KIAA0930: variants seen among roughly 807,000 people sequenced by gnomAD.
KIAA0930 encodes the protein uncharacterized protein KIAA0930.
A neutral mutation model predicts 43.9 loss-of-function variants in KIAA0930; 24 were observed. That is an observed-to-expected ratio of 0.55 (90% CI 0.40 to 0.77). The LOEUF is 0.77. KIAA0930 is among the 30% of genes least tolerant of loss of function. The pLI, the probability that KIAA0930 is intolerant of heterozygous loss-of-function variation, is 0.00. For synonymous variants in KIAA0930, 259 were observed against 216.4 expected, an observed-to-expected ratio of 1.20 and a Z score of -1.73; for missense variants, 461 against 574.2, an observed-to-expected ratio of 0.80 and a Z score of 2.02.
In KIAA0930 at chr22:45,193,860, G is replaced by A. The variant is rs1461346651; in HGVS notation, c.*3316C>T. On this transcript the variant is annotated 3_prime_UTR_variant, in exon 10 of 10. Coordinates refer to ENST00000336156, the MANE Select transcript of KIAA0930 (RefSeq NM_001009880.2). ...GCCAAAAGAAGAAAGGGTATAAACG[G>A]AGACCACCTATCACTCATCAGAACC... 2 of 151,988 alleles carry A rather than the reference G, an allele frequency of 1.3e-5. No individual in the cohort carries two copies. The highest frequency in any genetic ancestry group is 4.8e-5 in the African/African-American group (2 of 41,366). 9.4% of individuals were successfully genotyped at this position (151,988 alleles called of 1,614,324 possible).
At chr22:45,226,286 A>G (rs1439008733) in intron 1 of KIAA0930, 1 of 471,106 alleles carries the variant, frequency 2.1e-6, no homozygotes, top group African/African-American at 2.0e-5. Flanking sequence ...CAGTTAAGGA[A>G]ACCGAGACCT....
Position 45,217,889 on chromosome 22 carries a change from C to T in KIAA0930, c.65-5782G>A, listed in dbSNP as rs1179057220. Among the ~76,000 whole-genome samples, 9 of 152,332 alleles carry T rather than the reference C, an allele frequency of 5.9e-5. 2 individuals are homozygous for T. The East Asian group carries it at 1.5e-3, about 26-fold the overall frequency. On this transcript the variant is annotated intron_variant, in intron 1 of 9. Coordinates refer to ENST00000336156, the MANE Select transcript of KIAA0930 (RefSeq NM_001009880.2). Reference sequence around the variant, plus strand: ...GTGACCTGCTTCTGTAAGTCACTCTCTTCGAACTCCAGAACTGGAAGAGCC... The same window carrying T: ...GTGACCTGCTTCTGTAAGTCACTCTTTTCGAACTCCAGAACTGGAAGAGCC...
chr22:45,228,888 C>T (rs117577700), intron 1 of KIAA0930, among the ~76,000 whole-genome samples: 116 of 7,932 alleles, frequency 0.015, 10 homozygotes, highest in Non-Finnish European at 0.018. Flanking sequence ...AAGATCCCTC[C>T]CCATCCCCCC....
At position 45,193,795 on chromosome 22, in the gene KIAA0930, A is replaced by G. The variant is rs1224613218; in HGVS notation, c.*3381T>C. Reference sequence around the variant, plus strand: ...CAGGCAACTAGGCACTTCCAGCAGGACATGAGAATGTAAGATGGCCACTAC... The same window carrying G: ...CAGGCAACTAGGCACTTCCAGCAGGGCATGAGAATGTAAGATGGCCACTAC... On this transcript the variant is annotated 3_prime_UTR_variant, in exon 10 of 10. Coordinates refer to ENST00000336156, the MANE Select transcript of KIAA0930 (RefSeq NM_001009880.2). 1 of 152,222 alleles carries G rather than the reference A, an allele frequency of 6.6e-6. No homozygotes were observed. Among genetic ancestry groups the G allele is most frequent in the Non-Finnish European group, 1.5e-5 (1 of 68,040 alleles). The allele number at this position is 152,222 out of a possible 1,614,324, so 9.4% of individuals were successfully genotyped here.
intron 8 of KIAA0930, 106 bp downstream of exon 8, chr22:45,199,767 C>T: frequency 8.4e-7 from 1 of 1,193,860 alleles, no homozygotes; most frequent in Non-Finnish European, 1.1e-6. Context: ...TCTCTAAGTG[C>T]TGCTGAATGA....
chr22:45,220,405 G>A (rs921017598), intron 1 of KIAA0930, among the ~76,000 whole-genome samples: 10 of 151,702 alleles, frequency 6.6e-5, no homozygotes, highest in African/African-American at 2.2e-4. Context: ...CAGTGATCGA[G>A]ATCGGGCCAC....
chr22:45,199,552 C>T (rs897119520), intron 8 of KIAA0930, among the ~76,000 whole-genome samples: 7 of 152,326 alleles, frequency 4.6e-5, no homozygotes, highest in African/African-American at 9.6e-5. Context: ...ATCACCCATC[C>T]GCTTTCTTCC....
intron 1 of KIAA0930, among the ~76,000 whole-genome samples, chr22:45,217,360 CAAAAAAAAAAAAAA>C (rs58492110): frequency 4.4e-5 from 3 of 68,698 alleles, no homozygotes; most frequent in East Asian, 4.7e-4. Flanking sequence ...GACCCCGTCT[CAAAAAAAAAAAAAA>C]AAAAAAAAAA....
At chr22:45,211,074 G>A (rs1407806600) in intron 2 of KIAA0930, among the ~76,000 whole-genome samples, 1 of 152,142 alleles carries the variant, frequency 6.6e-6, no homozygotes, top group Non-Finnish European at 1.5e-5. Context: ...TCCACTTGCA[G>A]AAAATCCATC....
At chr22:45,216,729 C>T (rs1252929288) in intron 1 of KIAA0930, among the ~76,000 whole-genome samples, 3 of 152,098 alleles carry the variant, frequency 2.0e-5, no homozygotes, top group African/African-American at 7.2e-5. Context: ...TGTCCCTTCT[C>T]CCTACCGTCT....
intron 1 of KIAA0930, among the ~76,000 whole-genome samples, chr22:45,231,380 G>A (rs1375904767): frequency 6.6e-6 from 1 of 152,142 alleles, no homozygotes; most frequent in Non-Finnish European, 1.5e-5. Context: ...ATGAACCTAA[G>A]ATGGGAAGAA....
chr22:45,216,067 GAA>G (rs1195082770), intron 1 of KIAA0930, among the ~76,000 whole-genome samples: 2 of 151,990 alleles, frequency 1.3e-5, no homozygotes, highest in Non-Finnish European at 2.9e-5. Context: ...AGAGTGGAGA[GAA>G]AAGAGATTCT....
At position 45,205,207 on chromosome 22, in the gene KIAA0930, C is replaced by T. The variant is rs1167503313; in HGVS notation, c.516+10G>A. The T allele has an allele frequency of 1.9e-6, 3 of 1,606,376 alleles. No individual in the cohort carries two copies. The South Asian group carries it at 3.3e-5, about 18-fold the overall frequency. On this transcript the variant is annotated intron_variant, in intron 5 of 9. Coordinates refer to ENST00000336156, the MANE Select transcript of KIAA0930 (RefSeq NM_001009880.2). ...GGAAGCTAAGGAGAGAGGCCCTGTG[C>T]AGAGCTCACCTCCTCGAAGCTGTCA...
intron 1 of KIAA0930, among the ~76,000 whole-genome samples, chr22:45,239,775 G>GT (rs969851062): frequency 1.3e-5 from 2 of 152,178 alleles, no homozygotes; most frequent in African/African-American, 4.8e-5. Context: ...TGGGGGTGGG[G>GT]TGGGGGGTGG....
intron 1 of KIAA0930, chr22:45,212,612 G>C (rs562520733): frequency 7.6e-7 from 1 of 1,313,694 alleles, no homozygotes; most frequent in Non-Finnish European, 9.9e-7. Context: ...GGCTGCAAGC[G>C]GGAACCGCAG....
At chr22:45,223,142 C>A (rs996091517) in intron 1 of KIAA0930, among the ~76,000 whole-genome samples, 3 of 152,262 alleles carry the variant, frequency 2.0e-5, no homozygotes, top group Non-Finnish European at 2.9e-5. Flanking sequence ...GTGGAGTGGT[C>A]CTATCAATAG....
chr22:45,226,107 T>C (rs1253773717), intron 1 of KIAA0930: 3 of 386,548 alleles, frequency 7.8e-6, no homozygotes, highest in Non-Finnish European at 1.6e-5. Flanking sequence ...TGCCGAGCCC[T>C]GTCCTCGGTG....
chr22:45,238,339 C>G lies in KIAA0930; in HGVS notation c.64+2301G>C, dbSNP rs542038816. Among the ~76,000 whole-genome samples, 5 of 152,324 alleles carry G rather than the reference C, an allele frequency of 3.3e-5. No individual in the cohort carries two copies. In the East Asian group the frequency reaches 9.6e-4, roughly 29 times the overall value. ...TTGTTCACTAAATGTTTACTGGGCACCTGCTCCGTATGTGCCCCATGCTGG... is the reference window on the plus strand; with the variant it reads ...TTGTTCACTAAATGTTTACTGGGCAGCTGCTCCGTATGTGCCCCATGCTGG... On this transcript the variant is annotated intron_variant, in intron 1 of 9. Transcript: ENST00000336156.
chr22:45,197,299 A>G (rs2083545925), intron 9 of KIAA0930, 83 bp from the exon 10 acceptor site: 2 of 1,282,034 alleles, frequency 1.6e-6, no homozygotes, highest in South Asian at 2.9e-5. Flanking sequence ...CCACTTCTGA[A>G]GGAAGCCCGC....
Sources: gnomAD v4.1 joint callset for allele counts (sites outside exome capture counted in the v4.1 genomes callset) on GRCh38, gnomAD v4.1.1 for gene constraint, MANE v1.5 for transcripts, NCBI Gene and HGNC (gene_info 2026-07-23, HGNC 2026-07-21) for gene names.